Variants in ELP4 observed in about 807,000 individuals in gnomAD.
ELP4 encodes the protein elongator complex protein 4.
A neutral mutation model predicts 48.9 loss-of-function variants in ELP4; 51 were observed. The observed-to-expected ratio is 1.04, with a 90% CI of 0.83 to 1.32. The LOEUF (loss-of-function observed/expected upper bound fraction) is 1.32, where lower values mean the gene tolerates loss of function less well. Ranked by LOEUF, ELP4 falls within the 40% of genes most tolerant of loss-of-function variation. ELP4 has a pLI of 0.00. For missense variants in ELP4, 519 were observed against 514.6 expected, an observed-to-expected ratio of 1.01 and a Z score of -0.08; for synonymous variants, 210 against 189.2, an observed-to-expected ratio of 1.11 and a Z score of -0.90.
At position 31,634,762 on chromosome 11, in the gene ELP4, T is replaced by C. The variant is rs117647150; in HGVS notation, c.927+2357T>C. On this transcript the variant is annotated intron_variant, in intron 7 of 9. Transcript: ENST00000640961. Reference sequence around the variant, plus strand: ...CTGGAAGAGAGATTAAATTTATGCTTCTTAACATAGCAGTAAAGAGACTTC... The same window carrying C: ...CTGGAAGAGAGATTAAATTTATGCTCCTTAACATAGCAGTAAAGAGACTTC... Among the ~76,000 whole-genome samples, 115 of 152,174 alleles carry C rather than the reference T, an allele frequency of 7.6e-4. No individual in the cohort carries two copies. In the East Asian group the frequency reaches 0.011, roughly 14 times the overall value.
At chr11:31,644,218 T>C (rs1012536942) in intron 7 of ELP4, among the ~76,000 whole-genome samples, 2 of 151,834 alleles carry the variant, frequency 1.3e-5, no homozygotes, top group South Asian at 4.1e-4. Flanking sequence ...ACTTGGGTGA[T>C]GTCATTATAA....
chr11:31,692,802 G>A (rs970346521), intron 9 of ELP4, among the ~76,000 whole-genome samples: 7 of 152,078 alleles, frequency 4.6e-5, no homozygotes, highest in African/African-American at 1.7e-4. Flanking sequence ...GCTAACTTCT[G>A]CATATCCTTC....
chr11:31,685,792 A>C (rs993389026), intron 9 of ELP4, among the ~76,000 whole-genome samples: 2 of 151,950 alleles, frequency 1.3e-5, no homozygotes, highest in African/African-American at 4.8e-5. Flanking sequence ...TTAGCTGGGC[A>C]TGGTGGCACA....
In ELP4 at chr11:31,539,761, A is replaced by C. The variant is rs532946191; in HGVS notation, c.359A>C (p.Glu120Ala). 2 of 1,610,252 alleles carry C rather than the reference A, an allele frequency of 1.2e-6. No individual in the cohort carries two copies. The highest frequency in any genetic ancestry group is 4.5e-5 in the East Asian group (2 of 44,788). The change falls in exon 3 of 10, where the codon GAG (glutamate) becomes GCG (alanine). Residue 120 changes from glutamate (E) to alanine (A), a missense_variant. By Grantham distance (107) the Glu-to-Ala change is moderately radical (BLOSUM62 -1). Transcript: ENST00000640961. ...ACTTTGTTGGTTGCATCTGCTAAAG[A>C]GGATCCTGCCAACATTTTACAGGTA... is the stretch of plus-strand genomic sequence containing the variant. Reference protein sequence around the residue: ...GHTLLVASAKEDPANILQELP... With the variant: ...GHTLLVASAKADPANILQELP...
chr11:31,694,154 T>C (rs373920702), intron 9 of ELP4, among the ~76,000 whole-genome samples: 4 of 151,962 alleles, frequency 2.6e-5, no homozygotes, highest in Non-Finnish European at 5.9e-5. Flanking sequence ...TGTGCAGAAG[T>C]TCTTTAGTTT....
intron 9 of ELP4, among the ~76,000 whole-genome samples, chr11:31,733,476 C>CAAA (rs59733716): frequency 1.4e-4 from 10 of 69,954 alleles, no homozygotes; most frequent in South Asian, 1.2e-3. Flanking sequence ...GACTCCATCT[C>CAAA]AAAAAAAAAA....
intron 9 of ELP4, among the ~76,000 whole-genome samples, chr11:31,741,120 G>A (rs10835814): frequency 0.3 from 46,154 of 151,928 alleles, 7,669 homozygotes; most frequent in African/African-American, 0.44. Context: ...AGGGTCCTAC[G>A]CCCATGGAGT....
intron 9 of ELP4, among the ~76,000 whole-genome samples, chr11:31,684,679 T>C (rs1184632935): frequency 6.6e-6 from 1 of 152,160 alleles, no homozygotes; most frequent in South Asian, 2.1e-4. Context: ...CTAGTGCAGA[T>C]GGGGAAGGAT....
In ELP4 at chr11:31,510,376, C is replaced by T. The variant is rs60378591; in HGVS notation, c.223+369C>T. On this transcript the variant is annotated intron_variant, in intron 1 of 9. Coordinates refer to ENST00000640961, the MANE Select transcript of ELP4 (RefSeq NM_019040.5). Reference sequence around the variant, plus strand: ...TCCCTTCTGCTTTCTCCAGGCAGCTCACGGTTTAGACCAGCCTGCAAAAGT... The same window carrying T: ...TCCCTTCTGCTTTCTCCAGGCAGCTTACGGTTTAGACCAGCCTGCAAAAGT... 9.0e-3 allele frequency: 4,134 copies of T among 457,108 alleles called. 134 individuals are homozygous for T. The highest frequency in any genetic ancestry group is 0.071 in the African/African-American group (3,713 of 52,104). The allele number at this position is 457,108 out of a possible 1,614,324, so 28.3% of individuals were successfully genotyped here.
intron 2 of ELP4, among the ~76,000 whole-genome samples, chr11:31,531,400 G>A (rs977193064): frequency 6.6e-6 from 1 of 152,170 alleles, no homozygotes; most frequent in Admixed American, 6.5e-5. Context: ...CTTCATGGAG[G>A]AATTTCAGGA....
At chr11:31,646,444 ATG>A (rs548751884) in intron 7 of ELP4, 4 of 151,742 alleles carry the variant, frequency 2.6e-5, no homozygotes, top group Non-Finnish European at 5.9e-5. Context: ...ACAGGCTACT[ATG>A]TGTTTCATAA....
intron 9 of ELP4, among the ~76,000 whole-genome samples, chr11:31,747,675 G>A (rs1947627666): frequency 6.6e-6 from 1 of 152,202 alleles, no homozygotes; most frequent in Non-Finnish European, 1.5e-5. Context: ...ACTCTGGAGA[G>A]ACATGACATC....
rs369435887 is a variant in ELP4 at position 31,684,683 on chromosome 11, G to A, written c.1143+34462G>A. Among the ~76,000 whole-genome samples, 5 of 152,236 alleles carry A rather than the reference G, an allele frequency of 3.3e-5. No individual in the cohort carries two copies. The East Asian group carries it at 7.7e-4, about 24-fold the overall frequency. On this transcript the variant is annotated intron_variant, in intron 9 of 9. Coordinates refer to ENST00000640961, the MANE Select transcript of ELP4 (RefSeq NM_019040.5). The stretch of plus-strand genomic sequence containing the variant: ...CAAAAATAACACTAGTGCAGATGGG[G>A]AAGGATGTGCTTTTCAATAAATAGT...
intron 2 of ELP4, among the ~76,000 whole-genome samples, chr11:31,520,618 G>T (rs1234659005): frequency 1.3e-5 from 2 of 151,872 alleles, no homozygotes; most frequent in Non-Finnish European, 2.9e-5. Flanking sequence ...TCTTGGAATT[G>T]AAATAAACCT....
At chr11:31,637,658 G>A (rs1348887837) in intron 7 of ELP4, among the ~76,000 whole-genome samples, 1 of 151,830 alleles carries the variant, frequency 6.6e-6, no homozygotes, top group African/African-American at 2.4e-5. Flanking sequence ...GTTACAATAG[G>A]ATACTGTTTG....
intron 7 of ELP4, among the ~76,000 whole-genome samples, chr11:31,636,441 C>T (rs1944979100): frequency 6.6e-6 from 1 of 151,818 alleles, no homozygotes; most frequent in Non-Finnish European, 1.5e-5. Flanking sequence ...GTTAAACCAG[C>T]CAATCGGTGT....
chr11:31,584,399 C>G (rs528349447), intron 3 of ELP4, among the ~76,000 whole-genome samples: 2 of 151,886 alleles, frequency 1.3e-5, no homozygotes, highest in South Asian at 4.2e-4. Flanking sequence ...TTATTATTAG[C>G]AGTAACATTA....
chr11:31,546,008 C>T (rs941266497), intron 3 of ELP4, among the ~76,000 whole-genome samples: 5 of 151,996 alleles, frequency 3.3e-5, no homozygotes, highest in South Asian at 2.1e-4. Context: ...AAGGAACAAC[C>T]GGTACCAGCT....
At chr11:31,549,585 C>G (rs1956802878) in intron 3 of ELP4, among the ~76,000 whole-genome samples, 1 of 151,732 alleles carries the variant, frequency 6.6e-6, no homozygotes, top group Non-Finnish European at 1.5e-5. Flanking sequence ...GTGGTGATTC[C>G]TCAGGGATCT....
Sources: gnomAD v4.1 joint callset for allele counts (sites outside exome capture counted in the v4.1 genomes callset) on GRCh38, gnomAD v4.1.1 for gene constraint, MANE v1.5 for transcripts, NCBI Gene and HGNC (gene_info 2026-07-23, HGNC 2026-07-21) for gene names.